FAT3: variants seen among roughly 807,000 people sequenced by gnomAD.
FAT3 encodes the protein protocadherin Fat 3.
Under a neutral mutation model 310.2 loss-of-function variants are expected in FAT3, and 95 were observed. The ratio of observed to expected loss-of-function variants is 0.31; its 90% confidence interval spans 0.26 to 0.36. FAT3 has a LOEUF of 0.36. Ranked by LOEUF, FAT3 falls within the 10% of genes least tolerant of loss-of-function variation. The probability of loss-of-function intolerance (pLI) is 1.00; values close to 1 mark genes in which losing one functional copy is unlikely to be tolerated. For synonymous variants in FAT3, 2,314 were observed against 2,192.9 expected (o/e 1.06, Z -1.54); for missense variants, 5,408 against 5,715.6 (o/e 0.95, Z 1.74).
Position 92,441,874 on chromosome 11 carries a change from T to C in FAT3, c.3293-82760T>C, listed in dbSNP as rs150896081. On this transcript the variant is annotated intron_variant, in intron 2 of 27. Transcript: ENST00000525166. Reference sequence around the variant, plus strand: ...AACCTCATCAACTTCTTGCAAATGGTTGCTGCTTGAGTGAAATCTGGAAGG... The same window carrying C: ...AACCTCATCAACTTCTTGCAAATGGCTGCTGCTTGAGTGAAATCTGGAAGG... 2.1e-3 allele frequency among the ~76,000 whole-genome samples: 314 copies of C among 151,566 alleles called. 3 individuals are homozygous for C. Among genetic ancestry groups the C allele is most frequent in the Middle Eastern group, 0.014 (4 of 294 alleles).
intron 3 of FAT3, among the ~76,000 whole-genome samples, chr11:92,536,428 G>C (rs1954261370): frequency 6.6e-6 from 1 of 152,072 alleles, no homozygotes; most frequent in Admixed American, 6.6e-5. Context: ...CCAGCTTCTT[G>C]GCCATGTGAT....
At chr11:92,473,926 CT>C (rs1461080510) in intron 2 of FAT3, among the ~76,000 whole-genome samples, 1 of 152,204 alleles carries the variant, frequency 6.6e-6, no homozygotes, top group Non-Finnish European at 1.5e-5. Flanking sequence ...CTAAGATCTG[CT>C]GTCACTCAAG....
Position 92,228,599 on chromosome 11 carries a change from T to C in FAT3, c.-18+3425T>C, listed in dbSNP as rs373657272. ...ATGAATTATGTCAAATAGAAAGAAG[T>C]AGGCAATTACCAGGCAGGAGAGGGT... On this transcript the variant is annotated intron_variant, in intron 1 of 27. Transcript: ENST00000525166. Among the ~76,000 whole-genome samples the C allele has an allele frequency of 2.6e-5, 4 of 152,308 alleles. 1 individual carries two copies. Among genetic ancestry groups the C allele is most frequent in the African/African-American group, 7.2e-5 (3 of 41,572 alleles).
At chr11:92,513,231 A>G (rs1953367335) in intron 2 of FAT3, among the ~76,000 whole-genome samples, 1 of 151,562 alleles carries the variant, frequency 6.6e-6, no homozygotes, top group African/African-American at 2.4e-5. Context: ...GACAGCAATT[A>G]CAGATATGAC....
chr11:92,333,630 C>T (rs1947976911), intron 1 of FAT3, among the ~76,000 whole-genome samples: 1 of 152,146 alleles, frequency 6.6e-6, no homozygotes, highest in Admixed American at 6.5e-5. Flanking sequence ...TAGCCTTGAT[C>T]AAAAACTAGA....
chr11:92,410,286 A>T (rs1333504819), intron 2 of FAT3, among the ~76,000 whole-genome samples: 1 of 151,590 alleles, frequency 6.6e-6, no homozygotes, highest in East Asian at 1.9e-4. Context: ...ATTTTTTTAT[A>T]GGTGTGTGTG....
chr11:92,543,950 C>T (rs2446188), intron 3 of FAT3, among the ~76,000 whole-genome samples: 3 of 151,878 alleles, frequency 2.0e-5, no homozygotes, highest in African/African-American at 7.3e-5. Context: ...CTTCATTTCA[C>T]TTTTATTGAT....
At chr11:92,633,108 T>C (rs937444287) in intron 3 of FAT3, among the ~76,000 whole-genome samples, 1 of 152,240 alleles carries the variant, frequency 6.6e-6, no homozygotes, top group Non-Finnish European at 1.5e-5. Context: ...TAATGCTCTA[T>C]GACATAGGTG....
intron 3 of FAT3, among the ~76,000 whole-genome samples, chr11:92,561,050 G>A (rs1295395212): frequency 6.6e-6 from 1 of 152,176 alleles, no homozygotes; most frequent in Non-Finnish European, 1.5e-5. Flanking sequence ...TGTTTAAAAA[G>A]TGATTTAAGG....
In FAT3 at chr11:92,332,073, A is replaced by C. The variant is rs144773313; in HGVS notation, c.-17-20023A>C. On this transcript the variant is annotated intron_variant, in intron 1 of 27. Transcript: ENST00000525166. ...TGGTGCTAACCTGATCATTAAAGGA[A>C]AAAGCAGGTAGGGAGGGGGCTCCTG... 2.8e-3 allele frequency among the ~76,000 whole-genome samples: 433 copies of C among 152,338 alleles called. 1 individual carries two copies. Among genetic ancestry groups the C allele is most frequent in the African/African-American group, 9.7e-3 (405 of 41,572 alleles).
At chr11:92,450,497 T>A (rs988233913) in intron 2 of FAT3, among the ~76,000 whole-genome samples, 1 of 152,128 alleles carries the variant, frequency 6.6e-6, no homozygotes, top group Non-Finnish European at 1.5e-5. Context: ...GGAGACATAA[T>A]GTCACAGCCT....
intron 3 of FAT3, among the ~76,000 whole-genome samples, chr11:92,673,779 G>A (rs985647191): frequency 1.7e-4 from 26 of 152,098 alleles, no homozygotes; most frequent in African/African-American, 5.8e-4. Context: ...AGTCTGGAAT[G>A]GAGATGGTCC....
At chr11:92,274,142 G>A (rs1287699479) in intron 1 of FAT3, among the ~76,000 whole-genome samples, 2 of 151,922 alleles carry the variant, frequency 1.3e-5, no homozygotes, top group African/African-American at 4.8e-5. Flanking sequence ...TCCTTTTTGA[G>A]CCCTAAGGTT....
chr11:92,716,779 A>G (rs2135961863), intron 4 of FAT3, among the ~76,000 whole-genome samples: 1 of 152,336 alleles, frequency 6.6e-6, no homozygotes, highest in Middle Eastern at 3.4e-3. Context: ...GAATCTAAAG[A>G]GAGATTCATT....
chr11:92,681,349 C>A (rs1176958406), intron 3 of FAT3, among the ~76,000 whole-genome samples: 2 of 152,052 alleles, frequency 1.3e-5, no homozygotes, highest in Non-Finnish European at 2.9e-5. Flanking sequence ...GAACTGGGAT[C>A]TGTTTGAAAA....
chr11:92,562,539 G>C (rs960820955), intron 3 of FAT3, among the ~76,000 whole-genome samples: 12 of 152,162 alleles, frequency 7.9e-5, no homozygotes, highest in Admixed American at 5.2e-4. Flanking sequence ...GTATATATAT[G>C]AGGAGATTTA....
intron 2 of FAT3, among the ~76,000 whole-genome samples, chr11:92,402,493 GC>G (rs1278590204): frequency 6.6e-6 from 1 of 152,078 alleles, no homozygotes; most frequent in Non-Finnish European, 1.5e-5. Context: ...ACTTTGGGAG[GC>G]TGAGGCAGGC....
At chr11:92,603,103 A>C (rs1258146467) in intron 3 of FAT3, among the ~76,000 whole-genome samples, 1 of 152,226 alleles carries the variant, frequency 6.6e-6, no homozygotes, top group Admixed American at 6.5e-5. Context: ...TACAGAAGTC[A>C]TGTGGTGATG....
intron 18 of FAT3, among the ~76,000 whole-genome samples, chr11:92,842,116 A>G (rs1435598491): frequency 6.6e-6 from 1 of 152,196 alleles, no homozygotes; most frequent in Non-Finnish European, 1.5e-5. Flanking sequence ...CATGGTTGTG[A>G]TAAAGGCTGT....
Sources: gnomAD v4.1 joint callset for allele counts (sites outside exome capture counted in the v4.1 genomes callset) on GRCh38, gnomAD v4.1.1 for gene constraint, MANE v1.5 for transcripts, NCBI Gene and HGNC (gene_info 2026-07-23, HGNC 2026-07-21) for gene names.